The following KATNAL2 variants were observed in gnomAD, a reference collection of about 807,000 sequenced individuals.
KATNAL2 encodes katanin p60 ATPase-containing subunit A-like 2.
In KATNAL2, 52 loss-of-function variants were observed where a neutral mutation model predicts 76.3. The observed-to-expected ratio is 0.68, with a 90% CI of 0.55 to 0.86. The LOEUF (loss-of-function observed/expected upper bound fraction) is 0.86. Ranked by LOEUF, KATNAL2 falls within the 40% of genes least tolerant of loss-of-function variation. The pLI, the probability that KATNAL2 is intolerant of heterozygous loss-of-function variation, is 0.00. For synonymous variants in KATNAL2, 243 were observed against 244.2 expected (o/e 1.00, Z 0.05); for missense variants, 660 against 668.9 (o/e 0.99, Z 0.15).
In KATNAL2 at chr18:46,952,432, C is replaced by T. The variant is rs2059590469; in HGVS notation, c.51+5509C>T. On this transcript the variant is annotated intron_variant, in intron 3 of 17. Coordinates refer to ENST00000683218, the MANE Select transcript of KATNAL2 (RefSeq NM_001387690.1). Reference sequence around the variant, plus strand: ...TTTTTTTTTTTGAGATGGAGTCTCACTCTGTCACCCAGGCTGGAGTGCAAT... The same window carrying T: ...TTTTTTTTTTTGAGATGGAGTCTCATTCTGTCACCCAGGCTGGAGTGCAAT... Among the ~76,000 whole-genome samples, 3 of 122,462 alleles carry T rather than the reference C, an allele frequency of 2.4e-5. No homozygotes were observed. The South Asian group carries it at 9.0e-4, about 37-fold the overall frequency. The allele number at this position is 122,462 out of a possible 152,430, so 80.3% of individuals were successfully genotyped here.
chr18:47,032,996 C>G (rs1198188279), intron 3 of KATNAL2: 4 of 1,613,928 alleles, frequency 2.5e-6, no homozygotes, highest in Admixed American at 1.7e-5. Context: ...CAAGGCAAGT[C>G]CTGAGTTTAT....
chr18:46,962,094 T>G (rs1202229376), intron 3 of KATNAL2, among the ~76,000 whole-genome samples: 1 of 152,162 alleles, frequency 6.6e-6, no homozygotes, highest in Non-Finnish European at 1.5e-5. Context: ...TTTCAGCCAC[T>G]TGAGCAAATA....
At chr18:47,087,752 CTGTGTGTGTGTGTG>C (rs35852657) in intron 15 of KATNAL2, among the ~76,000 whole-genome samples, 15 of 148,548 alleles carry the variant, frequency 1.0e-4, no homozygotes, top group East Asian at 2.0e-4. Flanking sequence ...TCTTTTACAT[CTGTGTGTGTGTGTG>C]TGTGTGTGTG....
intron 15 of KATNAL2, among the ~76,000 whole-genome samples, chr18:47,078,925 G>A (rs187097330): frequency 6.6e-6 from 1 of 152,138 alleles, no homozygotes; most frequent in Admixed American, 6.5e-5. Context: ...TTGAGCTTAT[G>A]TTCCTTATAT....
chr18:47,069,289 C>A lies in KATNAL2; in HGVS notation c.889+6C>A. On this transcript the variant is annotated splice_donor_region_variant and intron_variant, in intron 12 of 17. Transcript: ENST00000683218. ...ACTGCTGTACGGCCCTCCAGGTAAA[C>A]ACAGCTTCCTATTTTGATGTCAGTG... is the stretch of plus-strand genomic sequence containing the variant. 6.2e-7 allele frequency: 1 copy of A among 1,604,192 alleles called. No homozygotes were observed. The highest frequency in any genetic ancestry group is 8.5e-7 in the Non-Finnish European group (1 of 1,173,916).
chr18:47,054,619 G>A (rs1022020847), intron 6 of KATNAL2, 181 bp downstream of exon 6: 24 of 660,424 alleles, frequency 3.6e-5, no homozygotes, highest in Admixed American at 7.5e-5. Flanking sequence ...GCCAATGTCC[G>A]TCTACTCTCC....
intron 3 of KATNAL2, chr18:47,033,308 C>T (rs774982360): frequency 3.1e-6 from 5 of 1,613,628 alleles, no homozygotes. Context: ...CTTGAAGTAT[C>T]ATAAGGCGTC....
chr18:46,920,000 A>T, intron 1 of KATNAL2: 1 of 1,168,956 alleles, frequency 8.6e-7, no homozygotes, highest in Non-Finnish European at 1.1e-6. Context: ...ACCCATAAAG[A>T]GGACCAACAT....
At chr18:46,928,440 T>C (rs2058800085) in intron 1 of KATNAL2, among the ~76,000 whole-genome samples, 1 of 152,154 alleles carries the variant, frequency 6.6e-6, no homozygotes, top group South Asian at 2.1e-4. Context: ...ATCGTTCCTC[T>C]GGAAGTTTTG....
At chr18:46,929,301 G>A (rs760978414) in intron 1 of KATNAL2, among the ~76,000 whole-genome samples, 1 of 151,796 alleles carries the variant, frequency 6.6e-6, no homozygotes, top group Non-Finnish European at 1.5e-5. Context: ...GGAGTGCAAT[G>A]GCATGATCGC....
chr18:46,935,422 G>A (rs1174989249), intron 1 of KATNAL2, among the ~76,000 whole-genome samples: 1 of 152,052 alleles, frequency 6.6e-6, no homozygotes, highest in East Asian at 1.9e-4. Context: ...TTATTTTAAG[G>A]AGGTGCCGCC....
At chr18:47,058,603 G>C (rs1361709661) in intron 7 of KATNAL2, among the ~76,000 whole-genome samples, 2 of 151,624 alleles carry the variant, frequency 1.3e-5, no homozygotes, top group African/African-American at 4.8e-5. Flanking sequence ...CTGGGTGCTG[G>C]GTGATTGGCC....
In KATNAL2 at chr18:47,063,348, C is replaced by A; in HGVS notation, c.713C>A (p.Ala238Asp). ...AACAGTGAGATGCGAGAATTGGCAG[C>A]CGTGGTGAGCCGGGTAAGATCTGAT... The part of the protein sequence containing the change: ...GMNSEMRELA[A>D]VVSRDIYLHN... The change falls in exon 10 of 18, where the codon GCC becomes GAC. Residue 238 changes from alanine to aspartate, a missense_variant. Coordinates refer to ENST00000683218, the MANE Select transcript of KATNAL2 (RefSeq NM_001387690.1). 1 of 1,613,710 alleles carries A rather than the reference C, an allele frequency of 6.2e-7. No homozygotes were observed. Among genetic ancestry groups the A allele is most frequent in the Non-Finnish European group, 8.5e-7 (1 of 1,179,764 alleles).
chr18:47,051,235 G>A (rs1287392435), intron 4 of KATNAL2, among the ~76,000 whole-genome samples: 4 of 152,038 alleles, frequency 2.6e-5, no homozygotes, highest in African/African-American at 7.2e-5. Context: ...GGACCAGCCT[G>A]GGCAGCACAG....
intron 8 of KATNAL2, among the ~76,000 whole-genome samples, chr18:47,062,483 A>C (rs2061665631): frequency 6.6e-6 from 1 of 152,236 alleles, no homozygotes; most frequent in Admixed American, 6.5e-5. Flanking sequence ...ATACCCAATA[A>C]ATTTATACAA....
intron 3 of KATNAL2, chr18:47,035,626 C>G (rs1402517975): frequency 1.3e-5 from 6 of 462,088 alleles, no homozygotes; most frequent in South Asian, 4.7e-5. Flanking sequence ...CCTCTTAGCT[C>G]TTGGGCTGCC....
chr18:47,056,674 G>A (rs1042255917), intron 6 of KATNAL2, among the ~76,000 whole-genome samples: 1 of 152,184 alleles, frequency 6.6e-6, no homozygotes, highest in Admixed American at 6.5e-5. Flanking sequence ...TTGTACATTA[G>A]TGCTCTTGTA....
intron 1 of KATNAL2, among the ~76,000 whole-genome samples, chr18:46,921,324 C>A (rs1294214697): frequency 1.3e-5 from 2 of 152,178 alleles, no homozygotes; most frequent in African/African-American, 4.8e-5. Flanking sequence ...GATGGGGTTT[C>A]ACCGTCTTGG....
chr18:46,949,121 C>G (rs567734643), intron 3 of KATNAL2, among the ~76,000 whole-genome samples: 1 of 152,136 alleles, frequency 6.6e-6, no homozygotes, highest in African/African-American at 2.4e-5. Context: ...TGGTCTTGAA[C>G]TCCTAGGCTC....
Sources: gnomAD v4.1 joint callset for allele counts (sites outside exome capture counted in the v4.1 genomes callset) on GRCh38, gnomAD v4.1.1 for gene constraint, MANE v1.5 for transcripts, NCBI Gene and HGNC (gene_info 2026-07-23, HGNC 2026-07-21) for gene names.